The following ANKRD33B variants were observed in gnomAD, a reference collection of about 807,000 sequenced individuals.
ANKRD33B encodes the protein ankyrin repeat domain 33B, also known as ankyrin repeat domain-containing protein 33B.
A neutral mutation model predicts 21.5 loss-of-function variants in ANKRD33B; 6 were observed. The observed-to-expected ratio is 0.28, with a 90% CI of 0.15 to 0.55. The LOEUF (loss-of-function observed/expected upper bound fraction) is 0.55, where lower values mean the gene tolerates loss of function less well. Among genes scored for constraint, ANKRD33B ranks in the 20% least tolerant of loss-of-function variants. The pLI is 0.94. For synonymous variants in ANKRD33B, 347 were observed against 342.4 expected (o/e 1.01, Z -0.15); for missense variants, 698 against 747.2 (o/e 0.93, Z 0.77).
Position 10,649,620 on chromosome 5 carries a change from G to T in ANKRD33B, c.992G>T (p.Ser331Ile). The change falls in exon 4 of 4, where the codon AGC (serine) becomes ATC (isoleucine). Residue 331 changes from serine (S) to isoleucine (I), a missense_variant. Physicochemically the swap from Ser to Ile is moderately radical, Grantham distance 142 (BLOSUM62 -2). This residue lies in a region of ANKRD33B where 543 missense variants were observed against 566.5 expected (regional missense o/e 0.96). Transcript: ENST00000296657. ...AIVCQTVCPE[S>I]PPSVGKRRLA... is the part of the protein sequence containing the mutation. ...GTGTGCCAGACCGTGTGCCCTGAGA[G>T]CCCTCCGAGCGTGGGGAAGAGGCGG... 6.5e-7 allele frequency: 1 copy of T among 1,531,154 alleles called. No individual in the cohort carries two copies. Among genetic ancestry groups the T allele is most frequent in the Non-Finnish European group, 8.7e-7 (1 of 1,144,792 alleles). The allele number at this position is 1,531,154 out of a possible 1,614,324, so 94.8% of individuals were successfully genotyped here.
At chr5:10,598,805 C>T (rs1215974441) in intron 1 of ANKRD33B, among the ~76,000 whole-genome samples, 1 of 152,088 alleles carries the variant, frequency 6.6e-6, no homozygotes, top group East Asian at 1.9e-4. Flanking sequence ...GTAATCCCAA[C>T]ACTTTGGGAG....
chr5:10,638,916 G>A (rs1434743450), intron 3 of ANKRD33B, among the ~76,000 whole-genome samples: 5 of 132,580 alleles, frequency 3.8e-5, no homozygotes, highest in African/African-American at 1.0e-4. Context: ...TAATGTTAGC[G>A]GGTGACGCGG....
chr5:10,575,506 A>G (rs922823482), intron 1 of ANKRD33B, among the ~76,000 whole-genome samples: 9 of 152,074 alleles, frequency 5.9e-5, no homozygotes, highest in African/African-American at 2.2e-4. Flanking sequence ...TGGCAAACGG[A>G]ACCAGTTTTC....
chr5:10,590,583 TTG>T (rs1560966374), intron 1 of ANKRD33B, among the ~76,000 whole-genome samples: 18 of 149,294 alleles, frequency 1.2e-4, no homozygotes, highest in African/African-American at 4.2e-4. Flanking sequence ...TTAAAATATT[TTG>T]AGATGCGCGC....
intron 3 of ANKRD33B, among the ~76,000 whole-genome samples, chr5:10,640,739 G>A (rs1382683932): frequency 1.3e-5 from 2 of 152,230 alleles, no homozygotes; most frequent in East Asian, 3.8e-4. Flanking sequence ...CTCTGTCTTA[G>A]TTGTTCTGCT....
chr5:10,579,936 T>G (rs1035758786), intron 1 of ANKRD33B, among the ~76,000 whole-genome samples: 1 of 152,222 alleles, frequency 6.6e-6, no homozygotes, highest in Non-Finnish European at 1.5e-5. Flanking sequence ...CAGAACATTT[T>G]CATCAATTCA....
chr5:10,649,186 GC>G, intron 3 of ANKRD33B, 79 bp from the exon 4 acceptor site: 1 of 1,452,066 alleles, frequency 6.9e-7, no homozygotes, highest in Non-Finnish European at 9.1e-7. Context: ...GGGCAGTTTT[GC>G]CTTTGCCCCA....
At chr5:10,587,973 A>G (rs184769261) in intron 1 of ANKRD33B, among the ~76,000 whole-genome samples, 7 of 152,302 alleles carry the variant, frequency 4.6e-5, no homozygotes, top group Admixed American at 4.6e-4. Context: ...CCAAGAAGGT[A>G]TATTATTGGT....
chr5:10,570,451 G>T (rs1421054258), intron 1 of ANKRD33B, among the ~76,000 whole-genome samples: 1 of 152,182 alleles, frequency 6.6e-6, no homozygotes, highest in Non-Finnish European at 1.5e-5. Context: ...GTTTTCCATG[G>T]CAGGGGCAGG....
chr5:10,585,889 ATC>A (rs1345763402), intron 1 of ANKRD33B, among the ~76,000 whole-genome samples: 3 of 152,180 alleles, frequency 2.0e-5, no homozygotes, highest in African/African-American at 7.2e-5. Flanking sequence ...AAGCAGTTGC[ATC>A]CATCAGTCCT....
intron 1 of ANKRD33B, among the ~76,000 whole-genome samples, chr5:10,587,343 C>T (rs1000186717): frequency 2.0e-5 from 3 of 151,990 alleles, no homozygotes; most frequent in Non-Finnish European, 4.4e-5. Context: ...TCAAGTGATC[C>T]GCCTGCTTCA....
At chr5:10,609,470 T>A (rs1736118932) in intron 1 of ANKRD33B, among the ~76,000 whole-genome samples, 2 of 152,140 alleles carry the variant, frequency 1.3e-5, no homozygotes, top group South Asian at 4.1e-4. Context: ...GAGGATTGTT[T>A]GAGCCTGGGA....
chr5:10,647,903 C>T (rs1737225502), intron 3 of ANKRD33B, among the ~76,000 whole-genome samples: 2 of 152,206 alleles, frequency 1.3e-5, no homozygotes, highest in African/African-American at 2.4e-5. Flanking sequence ...TTAACCACAG[C>T]TGCAAAATAC....
intron 1 of ANKRD33B, among the ~76,000 whole-genome samples, chr5:10,603,452 G>A (rs1437339815): frequency 6.6e-6 from 1 of 151,760 alleles, no homozygotes; most frequent in Non-Finnish European, 1.5e-5. Flanking sequence ...TAGTAGAGAC[G>A]GGGTTTTGCC....
chr5:10,632,206 G>A (rs1736737329), intron 2 of ANKRD33B, among the ~76,000 whole-genome samples: 1 of 152,020 alleles, frequency 6.6e-6, no homozygotes, highest in Admixed American at 6.5e-5. Context: ...GGCGATGGGG[G>A]AAAGCCGAGG....
Position 10,653,188 on chromosome 5 carries a change from C to T in ANKRD33B, c.*3075C>T, listed in dbSNP as rs1034560530. ...CTGTGGACAGCCCTTCCCTTTGGCC[C>T]ATGCGGCGGGTCCAGGCAGCTCCTG... On this transcript the variant is annotated 3_prime_UTR_variant, in exon 4 of 4. Coordinates refer to ENST00000296657, the MANE Select transcript of ANKRD33B (RefSeq NM_001164440.2). The T allele has an allele frequency of 3.3e-5, 5 of 152,724 alleles. No homozygotes were observed. The highest frequency in any genetic ancestry group is 9.6e-5 in the African/African-American group (4 of 41,468). 9.5% of individuals were successfully genotyped at this position (152,724 alleles called of 1,614,324 possible).
chr5:10,573,266 A>T (rs1006371363), intron 1 of ANKRD33B, among the ~76,000 whole-genome samples: 6 of 151,988 alleles, frequency 3.9e-5, no homozygotes, highest in Non-Finnish European at 8.8e-5. Flanking sequence ...CAGGAAATGG[A>T]GACCATCCTG....
intron 3 of ANKRD33B, among the ~76,000 whole-genome samples, chr5:10,642,467 C>G (rs1316603989): frequency 2.0e-5 from 3 of 152,220 alleles, no homozygotes; most frequent in African/African-American, 7.2e-5. Flanking sequence ...AGAGCAGGAG[C>G]TGAACAGAAA....
chr5:10,602,652 A>G (rs948048477), intron 1 of ANKRD33B, among the ~76,000 whole-genome samples: 2 of 152,224 alleles, frequency 1.3e-5, no homozygotes, highest in African/African-American at 2.4e-5. Flanking sequence ...TTGGCAGAGT[A>G]GGTAAAACAT....
Sources: allele counts gnomAD v4.1 joint callset (sites outside exome capture counted in the v4.1 genomes callset), GRCh38; gene constraint gnomAD v4.1.1; regional missense constraint gnomAD v4.1.1; transcripts MANE v1.5; gene names NCBI Gene and HGNC (gene_info 2026-07-23, HGNC 2026-07-21).